The following MACROD2 variants were observed in gnomAD, a reference collection of about 807,000 sequenced individuals.
MACROD2 encodes the protein mono-ADP ribosylhydrolase 2.
In MACROD2, 36 loss-of-function variants were observed where a neutral mutation model predicts 70.4. The observed-to-expected ratio is 0.51, with a 90% CI of 0.39 to 0.68. The LOEUF (loss-of-function observed/expected upper bound fraction) is 0.68, where lower values mean the gene tolerates loss of function less well. MACROD2 is among the 30% of genes least tolerant of loss of function. MACROD2 has a pLI of 0.00. For missense variants in MACROD2, 496 were observed against 538.4 expected (o/e 0.92, Z 0.78); for synonymous variants, 172 against 178.8 (o/e 0.96, Z 0.30).
chr20:15,904,393 G>A (rs2065111575), intron 10 of MACROD2, among the ~76,000 whole-genome samples: 1 of 151,968 alleles, frequency 6.6e-6, no homozygotes, highest in Non-Finnish European at 1.5e-5. Flanking sequence ...AAGAGTAAAA[G>A]CACAAAAATA....
intron 4 of MACROD2, among the ~76,000 whole-genome samples, chr20:14,554,644 G>A (rs1373057966): frequency 6.6e-6 from 1 of 152,058 alleles, no homozygotes; most frequent in Non-Finnish European, 1.5e-5. Flanking sequence ...GGATGAGTGT[G>A]TATTGAATTA....
In MACROD2 at chr20:14,083,121, TAA is replaced by T. The variant is rs377207705; in HGVS notation, c.164-2482_164-2481del. 5.7e-3 allele frequency among the ~76,000 whole-genome samples: 783 copies of T among 136,444 alleles called. 10 individuals carry two copies. The highest frequency in any genetic ancestry group is 0.045 in the East Asian group (212 of 4,756). 89.5% of individuals were successfully genotyped at this position (136,444 alleles called of 152,430 possible). ...GCTGAAATAATATTTGTCACCTTTG[TAA>T]AAAAAAAAAAAAAAAAAGGTAGTTT... On this transcript the variant is annotated intron_variant, in intron 2 of 17. Coordinates refer to ENST00000684519, the MANE Select transcript of MACROD2 (RefSeq NM_001351661.2).
intron 3 of MACROD2, among the ~76,000 whole-genome samples, chr20:14,423,238 T>G (rs1050678506): frequency 2.6e-5 from 4 of 152,174 alleles, no homozygotes; most frequent in Admixed American, 6.5e-5. Flanking sequence ...TTTCTATTAT[T>G]TCGAAGATAG....
intron 5 of MACROD2, among the ~76,000 whole-genome samples, chr20:14,803,050 G>A (rs1232382698): frequency 6.6e-6 from 1 of 152,050 alleles, no homozygotes; most frequent in Non-Finnish European, 1.5e-5. Flanking sequence ...GGGCCCACCA[G>A]TTCCCACTAC....
intron 5 of MACROD2, among the ~76,000 whole-genome samples, chr20:15,149,061 A>G (rs1321536726): frequency 6.6e-6 from 1 of 152,006 alleles, no homozygotes. Context: ...TATCTAGTGA[A>G]AGTGTCTACC....
At chr20:15,667,894 CT>C (rs2049923375) in intron 8 of MACROD2, among the ~76,000 whole-genome samples, 1 of 152,024 alleles carries the variant, frequency 6.6e-6, no homozygotes, top group Non-Finnish European at 1.5e-5. Context: ...TCTTCTATTT[CT>C]TGTAAACTAC....
At chr20:14,165,702 G>C (rs1485719758) in intron 3 of MACROD2, among the ~76,000 whole-genome samples, 5 of 152,164 alleles carry the variant, frequency 3.3e-5, no homozygotes, top group African/African-American at 1.2e-4. Flanking sequence ...CAGGGATATA[G>C]CTTATTTATG....
chr20:14,843,652 C>T (rs1401477683), intron 5 of MACROD2, among the ~76,000 whole-genome samples: 4 of 152,014 alleles, frequency 2.6e-5, no homozygotes, highest in South Asian at 2.1e-4. Flanking sequence ...AACACTGCCT[C>T]GCTTTTGTTT....
intron 3 of MACROD2, among the ~76,000 whole-genome samples, chr20:14,148,450 T>G (rs1468117003): frequency 3.3e-5 from 5 of 152,208 alleles, no homozygotes; most frequent in African/African-American, 1.2e-4. Context: ...TTTGTAGGAT[T>G]TATTTTATTA....
At chr20:14,755,916 G>A (rs980604560) in intron 5 of MACROD2, among the ~76,000 whole-genome samples, 6 of 152,022 alleles carry the variant, frequency 3.9e-5, no homozygotes, top group African/African-American at 1.5e-4. Flanking sequence ...GTTTATCTGA[G>A]ATTTCTGTAG....
At chr20:15,442,808 C>G (rs1443342132) in intron 7 of MACROD2, among the ~76,000 whole-genome samples, 1 of 152,132 alleles carries the variant, frequency 6.6e-6, no homozygotes, top group African/African-American at 2.4e-5. Flanking sequence ...GCAGTGTCAG[C>G]CACCCGTAAT....
chr20:15,979,372 C>A (rs2066361420), intron 13 of MACROD2, among the ~76,000 whole-genome samples: 1 of 152,118 alleles, frequency 6.6e-6, no homozygotes. Context: ...GATGTCTGTT[C>A]CAGTGCCATT....
At chr20:14,635,110 G>T (rs1327651359) in intron 4 of MACROD2, among the ~76,000 whole-genome samples, 1 of 152,164 alleles carries the variant, frequency 6.6e-6, no homozygotes, top group Non-Finnish European at 1.5e-5. Flanking sequence ...TTGTCAGAAA[G>T]AAACTCCAGG....
intron 5 of MACROD2, among the ~76,000 whole-genome samples, chr20:14,728,359 A>G (rs755666929): frequency 1.2e-4 from 19 of 152,192 alleles, no homozygotes; most frequent in Non-Finnish European, 2.6e-4. Context: ...AAATAAACTG[A>G]CTTAAATACT....
chr20:15,971,984 A>G (rs558733848), intron 13 of MACROD2, among the ~76,000 whole-genome samples: 1 of 152,340 alleles, frequency 6.6e-6, no homozygotes, highest in African/African-American at 2.4e-5. Flanking sequence ...TATTTACAAA[A>G]TTAAAATTAG....
chr20:15,395,818 CCTT>C (rs1218806654), intron 6 of MACROD2, among the ~76,000 whole-genome samples: 3 of 152,162 alleles, frequency 2.0e-5, no homozygotes, highest in African/African-American at 7.2e-5. Flanking sequence ...CTTTTGGTGT[CCTT>C]CTATCTCTCT....
intron 4 of MACROD2, among the ~76,000 whole-genome samples, chr20:14,572,388 ATATACC>A (rs927311784): frequency 6.6e-6 from 1 of 152,136 alleles, no homozygotes; most frequent in African/African-American, 2.4e-5. Flanking sequence ...AAAGCTGAAC[ATATACC>A]TATACCTACC....
chr20:14,553,251 C>T (rs775748796), intron 4 of MACROD2, among the ~76,000 whole-genome samples: 3 of 151,372 alleles, frequency 2.0e-5, no homozygotes, highest in Admixed American at 6.6e-5. Context: ...ATACACAGGA[C>T]CAGGGTCATC....
At chr20:14,990,817 C>G (rs773239257) in intron 5 of MACROD2, among the ~76,000 whole-genome samples, 1 of 152,022 alleles carries the variant, frequency 6.6e-6, no homozygotes, top group Non-Finnish European at 1.5e-5. Context: ...CGGCTGAGAA[C>G]TATGTTTCTT....
Sources: allele counts gnomAD v4.1 joint callset (sites outside exome capture counted in the v4.1 genomes callset), GRCh38; gene constraint gnomAD v4.1.1; transcripts MANE v1.5; gene names NCBI Gene and HGNC (gene_info 2026-07-23, HGNC 2026-07-21).